CBX1: variants seen among roughly 807,000 people sequenced by gnomAD.
CBX1 encodes the protein chromobox protein homolog 1.
Under a neutral mutation model 25.1 loss-of-function variants are expected in CBX1, and 10 were observed. The observed-to-expected ratio is 0.40, with a 90% confidence interval of 0.25 to 0.68. The LOEUF (loss-of-function observed/expected upper bound fraction) is 0.68. Among genes scored for constraint, CBX1 ranks in the 30% least tolerant of loss-of-function variants. The pLI, the probability that CBX1 is intolerant of heterozygous loss-of-function variation, is 0.40. For missense variants in CBX1, 106 were observed against 218.5 expected, an observed-to-expected ratio of 0.49 and a Z score of 3.25; for synonymous variants, 63 against 79.4, an observed-to-expected ratio of 0.79 and a Z score of 1.10.
intron 1 of CBX1, among the ~76,000 whole-genome samples, chr17:48,094,904 A>T (rs1393676069): frequency 6.6e-6 from 1 of 151,678 alleles, no homozygotes; most frequent in Non-Finnish European, 1.5e-5. Flanking sequence ...AAAATTAGCC[A>T]GGTGTGGTGG....
intron 4 of CBX1, among the ~76,000 whole-genome samples, chr17:48,073,049 G>A (rs917593116): frequency 3.3e-5 from 5 of 152,060 alleles, no homozygotes; most frequent in African/African-American, 1.2e-4. Flanking sequence ...TTGAACCTGG[G>A]AGGTGGAGGT....
chr17:48,101,371 TG>T lies in CBX1; in HGVS notation c.-142del. ...GCGCCCAGGAAGGCAGCAAGCCGGG[TG>T]GCCGCAGTGGCGTCCCTCACTGAAG... On this transcript the variant is annotated 5_prime_UTR_variant, in exon 1 of 5. Coordinates refer to ENST00000225603, the MANE Select transcript of CBX1 (RefSeq NM_001127228.2). 1.0e-6 allele frequency: 1 copy of T among 985,758 alleles called. No homozygotes were observed. Among genetic ancestry groups the T allele is most frequent in the Non-Finnish European group, 1.2e-6 (1 of 830,108 alleles). The allele number at this position is 985,758 out of a possible 1,614,324, so 61.1% of individuals were successfully genotyped here.
chr17:48,091,482 C>A (rs1220353550), intron 1 of CBX1, among the ~76,000 whole-genome samples: 2 of 149,904 alleles, frequency 1.3e-5, no homozygotes, highest in Non-Finnish European at 3.0e-5. Context: ...TCAACCGATT[C>A]TCCTGCCTCA....
At chr17:48,078,199 G>GTT (rs527319158) in intron 1 of CBX1, among the ~76,000 whole-genome samples, 20 of 143,988 alleles carry the variant, frequency 1.4e-4, no homozygotes, top group African/African-American at 4.3e-4. Context: ...ATTTGAATTT[G>GTT]TTTTTTTTTT....
intron 1 of CBX1, among the ~76,000 whole-genome samples, chr17:48,084,361 G>T (rs942239434): frequency 6.8e-6 from 1 of 148,104 alleles, no homozygotes; most frequent in Non-Finnish European, 1.5e-5. Context: ...TTACAGGTGC[G>T]TGCCACCACA....
intron 1 of CBX1, 83 bp downstream of exon 1, chr17:48,101,185 G>A: frequency 1.0e-6 from 1 of 988,784 alleles, no homozygotes; most frequent in Non-Finnish European, 1.2e-6. Flanking sequence ...CGCCTCGAAA[G>A]CGCGTTCCCT....
Position 48,070,584 on chromosome 17 carries a change from T to A in CBX1, c.*851A>T, listed in dbSNP as rs1360323822. The A allele has an allele frequency of 6.5e-6, 1 of 152,674 alleles. No individual in the cohort carries two copies. The highest frequency in any genetic ancestry group is 1.5e-5 in the Non-Finnish European group (1 of 68,066). The allele number at this position is 152,674 out of a possible 1,614,324, so 9.5% of individuals were successfully genotyped here. On this transcript the variant is annotated 3_prime_UTR_variant, in exon 5 of 5. Coordinates refer to ENST00000225603, the MANE Select transcript of CBX1 (RefSeq NM_001127228.2). ...GAACAAGCTGATATTTATAACTTCG[T>A]TACTGGAAAAGAAAGGGTCTTCTAA...
At chr17:48,077,420 G>A (rs1249178274) in intron 1 of CBX1, among the ~76,000 whole-genome samples, 2 of 142,666 alleles carry the variant, frequency 1.4e-5, no homozygotes, top group Non-Finnish European at 3.0e-5. Context: ...ACCAAGCCCA[G>A]CTAATTTTTG....
intron 4 of CBX1, 30 bp from the exon 5 acceptor site, chr17:48,071,609 G>A (rs747744682): frequency 1.3e-6 from 2 of 1,568,112 alleles, no homozygotes; most frequent in Non-Finnish European, 1.7e-6. Context: ...GAGACTTTGA[G>A]ACCAGGTGCT....
At chr17:48,101,230 C>T (rs1000249796) in intron 1 of CBX1, 38 bp downstream of exon 1, 14 of 990,172 alleles carry the variant, frequency 1.4e-5, no homozygotes, top group Non-Finnish European at 1.7e-5. Context: ...CCGCCGCGCC[C>T]CCTCCCCCAG....
rs1357967685 is a variant in CBX1, at chr17:48,101,292, A to T, written c.-62T>A. On this transcript the variant is annotated 5_prime_UTR_variant, in exon 1 of 5. Transcript: ENST00000225603. The stretch of plus-strand genomic sequence containing the variant: ...CCTCAGAGCAGCGCCCAAGAGCCCG[A>T]GAGGAATCGGTGCTGCGCTGCTGGC... The T allele has an allele frequency of 2.0e-6, 2 of 986,252 alleles. No individual in the cohort carries two copies. Among genetic ancestry groups the T allele is most frequent in the Non-Finnish European group, 2.4e-6 (2 of 830,046 alleles). The allele number at this position is 986,252 out of a possible 1,614,324, so 61.1% of individuals were successfully genotyped here.
At chr17:48,083,217 C>G (rs1007698820) in intron 1 of CBX1, among the ~76,000 whole-genome samples, 5 of 149,210 alleles carry the variant, frequency 3.4e-5, no homozygotes, top group Non-Finnish European at 7.4e-5. Flanking sequence ...ACTATGTCAC[C>G]CAGGCTGTTC....
At position 48,078,787 on chromosome 17, in the gene CBX1, CTTTTT is replaced by C. The variant is rs1184844619; in HGVS notation, c.-37-1751_-37-1747del. ...ACAAGCGTGAGCCACCGTGCCTGGA[CTTTTT>C]TTTTTTTTTTTTTTTTTGAGACGGA... On this transcript the variant is annotated intron_variant, in intron 1 of 4. Transcript: ENST00000225603. Among the ~76,000 whole-genome samples the C allele has an allele frequency of 7.9e-5, 6 of 76,256 alleles. 1 individual carries two copies. The highest frequency in any genetic ancestry group is 1.2e-4 in the Non-Finnish European group (5 of 41,060). The allele number at this position is 76,256 out of a possible 152,430, so 50.0% of individuals were successfully genotyped here.
chr17:48,084,683 G>A (rs1159840024), intron 1 of CBX1, among the ~76,000 whole-genome samples: 6 of 149,352 alleles, frequency 4.0e-5, no homozygotes, highest in Admixed American at 4.0e-4. Context: ...GGCTGAGGTG[G>A]GTGGATCATG....
In CBX1 at chr17:48,070,790, T is replaced by C. The variant is rs2037617940; in HGVS notation, c.*645A>G. Reference sequence around the variant, plus strand: ...GGCAGGGAACACCTTGGCTTATAGGTTTCAGACTTTCACAGCTTTTAAACA... The same window carrying C: ...GGCAGGGAACACCTTGGCTTATAGGCTTCAGACTTTCACAGCTTTTAAACA... On this transcript the variant is annotated 3_prime_UTR_variant, in exon 5 of 5. Transcript: ENST00000225603. The C allele has an allele frequency of 6.6e-6, 1 of 152,618 alleles. No individual in the cohort carries two copies. Among genetic ancestry groups the C allele is most frequent in the Non-Finnish European group, 1.5e-5 (1 of 68,048 alleles). The allele number at this position is 152,618 out of a possible 1,614,324, so 9.5% of individuals were successfully genotyped here.
At chr17:48,081,623 G>A (rs2144443045) in intron 1 of CBX1, among the ~76,000 whole-genome samples, 1 of 152,102 alleles carries the variant, frequency 6.6e-6, no homozygotes, top group African/African-American at 2.4e-5. Flanking sequence ...AATACTCTTA[G>A]TAGAGACAAG....
rs1043385916 is a variant in CBX1 at position 48,095,359 on chromosome 17, G to A, written c.-38+5909C>T. Among the ~76,000 whole-genome samples the A allele has an allele frequency of 4.6e-5, 7 of 152,284 alleles. No homozygotes were observed. In the East Asian group the frequency reaches 1.4e-3, roughly 29 times the overall value. On this transcript the variant is annotated intron_variant, in intron 1 of 4. Transcript: ENST00000225603. Reference sequence around the variant, plus strand: ...AATCCCAGCACTTTGGGAGGCTGAGGCAGGCAGATCTCCTGAGGTTGGGAG... The same window carrying A: ...AATCCCAGCACTTTGGGAGGCTGAGACAGGCAGATCTCCTGAGGTTGGGAG...
At chr17:48,087,342 G>A (rs1464268388) in intron 1 of CBX1, among the ~76,000 whole-genome samples, 3 of 151,580 alleles carry the variant, frequency 2.0e-5, no homozygotes, top group Non-Finnish European at 4.4e-5. Context: ...TTTGGGAGGC[G>A]AGGTGGGTGG....
Position 48,076,978 on chromosome 17 carries a change from TTTC to T in CBX1, c.24_26del (p.Lys9del), listed in dbSNP as rs1323721462. 2 of 1,613,462 alleles carry T rather than the reference TTTC, an allele frequency of 1.2e-6. No homozygotes were observed. Among genetic ancestry groups the T allele is most frequent in the Non-Finnish European group, 1.7e-6 (2 of 1,179,738 alleles). Reference sequence around the variant, plus strand: ...CCTCCTCTTCTAGCACCTCCTCCACTTTCTTCTTGTTTTGTTTTTTCCCCATAG... The same window carrying T: ...CCTCCTCTTCTAGCACCTCCTCCACTTTCTTGTTTTGTTTTTTCCCCATAG... On this transcript the variant is annotated inframe_deletion, in exon 2 of 5. Coordinates refer to ENST00000225603, the MANE Select transcript of CBX1 (RefSeq NM_001127228.2).
Sources: gnomAD v4.1 joint callset for allele counts (sites outside exome capture counted in the v4.1 genomes callset) on GRCh38, gnomAD v4.1.1 for gene constraint, MANE v1.5 for transcripts, NCBI Gene and HGNC (gene_info 2026-07-23, HGNC 2026-07-21) for gene names.